IGSF10: variants seen among roughly 807,000 people sequenced by gnomAD.
IGSF10 encodes immunoglobulin superfamily member 10.
A neutral mutation model predicts 128.2 loss-of-function variants in IGSF10; 126 were observed. The ratio of observed to expected loss-of-function variants is 0.98; its 90% CI spans 0.85 to 1.14. The LOEUF (loss-of-function observed/expected upper bound fraction) is 1.14, where lower values mean the gene tolerates loss of function less well. Ranked by LOEUF, IGSF10 falls within the 50% of genes most tolerant of loss-of-function variation. The pLI is 0.00. For synonymous variants in IGSF10, 1,185 were observed against 1,146.2 expected (o/e 1.03, Z -0.68); for missense variants, 3,295 against 3,149.8 (o/e 1.05, Z -1.10).
At chr3:151,534,450 T>C in the IGSF10 span, among the ~76,000 whole-genome samples, 1 of 152,176 alleles carries the variant, frequency 6.6e-6, no homozygotes, top group Non-Finnish European at 1.5e-5. Flanking sequence ...GTAGCACATA[T>C]ACACCATGGA....
Position 151,445,836 on chromosome 3 carries a change from G to A in IGSF10, c.4145C>T (p.Ala1382Val), listed in dbSNP as rs1721153176. 4 of 1,614,222 alleles carry A rather than the reference G, an allele frequency of 2.5e-6. No individual in the cohort carries two copies. The African/African-American group carries it at 4.0e-5, about 16-fold the overall frequency. Residue 1382 changes from alanine to valine, a missense_variant, in exon 6 of 8, where the codon GCC (alanine) becomes GTC (valine). Coordinates refer to ENST00000282466, the MANE Select transcript of IGSF10 (RefSeq NM_178822.5). ...GACACTGGGCTTGACTGAAGTTTCGGCTGTGGTTAGAACAGGAGGTGTCAT... is the reference window on the plus strand; with the variant it reads ...GACACTGGGCTTGACTGAAGTTTCGACTGTGGTTAGAACAGGAGGTGTCAT... ...TAMTPPVLTTAETSVKPSVSA... is the reference protein window; with the variant it reads ...TAMTPPVLTTVETSVKPSVSA...
chr3:151,573,414 G>A, the IGSF10 span, among the ~76,000 whole-genome samples: 2 of 152,168 alleles, frequency 1.3e-5, no homozygotes, highest in African/African-American at 2.4e-5. Context: ...GGATTCTCCT[G>A]CATTGGGTGC....
At chr3:151,579,168 T>G in the IGSF10 span, among the ~76,000 whole-genome samples, 1 of 152,046 alleles carries the variant, frequency 6.6e-6, no homozygotes, top group African/African-American at 2.4e-5. Flanking sequence ...GTGCTAGGGG[T>G]AAATATAGCA....
the IGSF10 span, among the ~76,000 whole-genome samples, chr3:151,617,319 C>CTTCTT: frequency 1.9e-5 from 2 of 107,190 alleles, no homozygotes; most frequent in Admixed American, 9.7e-5. Context: ...TCTTCTTCTT[C>CTTCTT]CCCTCCTCCT....
At position 151,444,978 on chromosome 3, in the gene IGSF10, A is replaced by G. The variant is rs1374396218; in HGVS notation, c.5003T>C (p.Leu1668Pro). Reference protein sequence around the residue: ...FTIPANSDAFLPCEAVGNPLP... With the variant: ...FTIPANSDAFPPCEAVGNPLP... Reference sequence around the variant, plus strand: ...GGGATTTCCAACAGCTTCACAGGGAAGAAAGGCATCTGAGTTAGCTGGAAT... The same window carrying G: ...GGGATTTCCAACAGCTTCACAGGGAGGAAAGGCATCTGAGTTAGCTGGAAT... The change falls in exon 6 of 8, where the codon CTT becomes CCT. Residue 1668 changes from leucine to proline, a missense_variant. Transcript: ENST00000282466. The G allele has an allele frequency of 6.2e-7, 1 of 1,614,122 alleles. No individual in the cohort carries two copies.
At chr3:151,434,642 T>C (rs1261953077), downstream of IGSF10, 3 of 152,260 alleles carry the variant, frequency 2.0e-5, no homozygotes, top group African/African-American at 7.2e-5. Flanking sequence ...ATCTATATAA[T>C]GACTGCATTG....
chr3:151,617,004 A>G, the IGSF10 span, among the ~76,000 whole-genome samples: 1 of 152,180 alleles, frequency 6.6e-6, no homozygotes, highest in Non-Finnish European at 1.5e-5. Flanking sequence ...TTAGGGCCCA[A>G]TGCCTGCACT....
chr3:151,455,780 A>G (rs1721765462), intron 4 of IGSF10, among the ~76,000 whole-genome samples: 1 of 152,206 alleles, frequency 6.6e-6, no homozygotes, highest in East Asian at 1.9e-4. Context: ...TTGAGTTGCA[A>G]TTAAAATAAT....
At chr3:151,519,628 A>G in the IGSF10 span, among the ~76,000 whole-genome samples, 6 of 151,980 alleles carry the variant, frequency 3.9e-5, no homozygotes, top group African/African-American at 1.4e-4. Context: ...TGCCTGCAGA[A>G]TGATAACTAA....
At chr3:151,497,223 T>C in the IGSF10 span, among the ~76,000 whole-genome samples, 1 of 152,238 alleles carries the variant, frequency 6.6e-6, no homozygotes, top group Non-Finnish European at 1.5e-5. Flanking sequence ...CCATTGCTTT[T>C]GGTGTTTTAG....
chr3:151,584,360 A>C, the IGSF10 span, among the ~76,000 whole-genome samples: 4 of 152,200 alleles, frequency 2.6e-5, no homozygotes, highest in African/African-American at 9.7e-5. Flanking sequence ...CAATTCTGAC[A>C]ATCTTTATCT....
At chr3:151,436,184 TA>T (rs371206560), downstream of IGSF10, 7 of 153,084 alleles carry the variant, frequency 4.6e-5, no homozygotes, top group African/African-American at 1.7e-4. Flanking sequence ...TGGTGAATCA[TA>T]AGACAGTTCA....
chr3:151,482,680 G>A, the IGSF10 span, among the ~76,000 whole-genome samples: 3 of 152,214 alleles, frequency 2.0e-5, no homozygotes, highest in African/African-American at 7.2e-5. Flanking sequence ...TGGACATGCA[G>A]ACCCATTAAG....
In IGSF10 at chr3:151,443,848, ACCCTGCTATTC is replaced by A; in HGVS notation, c.5088_5098del (p.Gln1696HisfsTer73). On this transcript the variant is annotated frameshift_variant, in exon 7 of 8. Coordinates refer to ENST00000282466, the MANE Select transcript of IGSF10 (RefSeq NM_178822.5). LOFTEE classifies it high-confidence loss of function. ...CAGGGTACCATTGGGGAGAACCTGG[ACCCTGCTATTC>A]TGTTTCCTCTTAGATAAATCAAGTC... 3.7e-6 allele frequency: 6 copies of A among 1,613,128 alleles called. No homozygotes were observed. The highest frequency in any genetic ancestry group is 5.1e-6 in the Non-Finnish European group (6 of 1,179,310).
intron 7 of IGSF10, among the ~76,000 whole-genome samples, chr3:151,441,919 GAT>G (rs1203443628): frequency 4.6e-5 from 7 of 152,174 alleles, no homozygotes; most frequent in Admixed American, 1.3e-4. Context: ...AAATTAGTCG[GAT>G]GTGGTGGCGG....
chr3:151,604,844 A>C, the IGSF10 span, among the ~76,000 whole-genome samples: 1 of 152,086 alleles, frequency 6.6e-6, no homozygotes, highest in African/African-American at 2.4e-5. Flanking sequence ...TAGCAGAAAA[A>C]CAGGATCAGG....
the IGSF10 span, among the ~76,000 whole-genome samples, chr3:151,532,234 C>T: frequency 4.4e-5 from 6 of 135,020 alleles, no homozygotes; most frequent in African/African-American, 1.5e-4. Context: ...GGATTCACAG[C>T]CGAATTCTAC....
chr3:151,479,488 T>C, the IGSF10 span, among the ~76,000 whole-genome samples: 1 of 152,146 alleles, frequency 6.6e-6, no homozygotes, highest in Non-Finnish European at 1.5e-5. Flanking sequence ...GAACAGTGAG[T>C]CAAGACAGCC....
chr3:151,499,067 CT>C, the IGSF10 span, among the ~76,000 whole-genome samples: 1 of 152,066 alleles, frequency 6.6e-6, no homozygotes, highest in Non-Finnish European at 1.5e-5. Flanking sequence ...GTACATTTTA[CT>C]TTTGTACATG....
Sources: gnomAD v4.1 joint callset for allele counts (sites outside exome capture counted in the v4.1 genomes callset) on GRCh38, gnomAD v4.1.1 for gene constraint, MANE v1.5 for transcripts, NCBI Gene and HGNC (gene_info 2026-07-23, HGNC 2026-07-21) for gene names.